Variants in PPP1R9B observed in about 807,000 individuals in gnomAD.
PPP1R9B encodes the protein neurabin-2.
A neutral mutation model predicts 75.8 loss-of-function variants in PPP1R9B; 17 were observed. The ratio of observed to expected loss-of-function variants is 0.22; its 90% CI spans 0.15 to 0.34. The LOEUF (loss-of-function observed/expected upper bound fraction) is 0.34. Ranked by LOEUF, PPP1R9B falls within the 10% of genes least tolerant of loss-of-function variation. The probability of loss-of-function intolerance (pLI) is 1.00; values close to 1 mark genes in which losing one functional copy is unlikely to be tolerated. For missense variants in PPP1R9B, 875 were observed against 1,196.0 expected, an observed-to-expected ratio of 0.73 and a Z score of 3.96; for synonymous variants, 509 against 535.4, an observed-to-expected ratio of 0.95 and a Z score of 0.68.
chr17:50,135,546 G>A lies in PPP1R9B; in HGVS notation c.2400+7C>T, dbSNP rs1202879624. On this transcript the variant is annotated splice_region_variant and intron_variant, in intron 9 of 9. Transcript: ENST00000612501. ...TGGGCCCTGCCCACAGGGCGCCCCA[G>A]GCCCACCTTGTCCAGGAGCTTGTCC... 1 of 1,609,860 alleles carries A rather than the reference G, an allele frequency of 6.2e-7. No individual in the cohort carries two copies. The highest frequency in any genetic ancestry group is 1.7e-5 in the Admixed American group (1 of 59,170).
Position 50,149,529 on chromosome 17 carries a change from G to A in PPP1R9B, c.985C>T (p.Leu329=), listed in dbSNP as rs370218434. The A allele has an allele frequency of 4.4e-6, 7 of 1,592,508 alleles. No individual in the cohort carries two copies. Among genetic ancestry groups the A allele is most frequent in the Non-Finnish European group, 6.0e-6 (7 of 1,171,396 alleles). ...IQAEVTVHAA[L]ENGSTVATAA... The stretch of plus-strand genomic sequence containing the variant: ...GTTGCCACGGTGCTGCCATTCTCCA[G>A]GGCCGCGTGGACCGTAACCTCGGCC... Residue 329 remains leucine, a synonymous_variant, in exon 1 of 10, where the codon CTG becomes TTG. Transcript: ENST00000612501. The surrounding 1 kb of genome is among the most constrained non-coding windows in gnomAD (Gnocchi z 7.2).
Position 50,135,230 on chromosome 17 carries a change from C to T in PPP1R9B, c.*101G>A, listed in dbSNP as rs1431000946. On this transcript the variant is annotated 3_prime_UTR_variant, in exon 10 of 10. Transcript: ENST00000612501. The stretch of plus-strand genomic sequence containing the variant: ...GGAGGGGTGGGGGGAGTCGGGGCAC[C>T]TGTCCCCAGGCTGGAAGGGGGAGGG... 1 of 955,120 alleles carries T rather than the reference C, an allele frequency of 1.0e-6. No individual in the cohort carries two copies. Among genetic ancestry groups the T allele is most frequent in the Admixed American group, 1.9e-5 (1 of 52,064 alleles). 59.2% of individuals were successfully genotyped at this position (955,120 alleles called of 1,614,324 possible).
At chr17:50,144,183 T>G (rs766623086) in intron 2 of PPP1R9B, among the ~76,000 whole-genome samples, 2 of 152,134 alleles carry the variant, frequency 1.3e-5, no homozygotes, top group Non-Finnish European at 2.9e-5. Flanking sequence ...GCCTGACTCA[T>G]GGCCCTCTGA....
chr17:50,149,075 G>C lies in PPP1R9B; in HGVS notation c.1371+68C>G, dbSNP rs1912599002. The C allele has an allele frequency of 2.7e-6, 3 of 1,095,582 alleles. No individual in the cohort carries two copies. The highest frequency in any genetic ancestry group is 3.7e-5 in the South Asian group (2 of 54,552). 67.9% of individuals were successfully genotyped at this position (1,095,582 alleles called of 1,614,324 possible). On this transcript the variant is annotated intron_variant, in intron 1 of 9. Coordinates refer to ENST00000612501, the MANE Select transcript of PPP1R9B (RefSeq NM_032595.5). This position sits in a 1 kb window ranked among gnomAD's most constrained non-coding sequence, Gnocchi z 7.2. ...GCCTGCCAAACCCGGCTGGCTGGCT[G>C]GCGAGCGGGGGCGGCCGCGTGCACG...
At position 50,135,579 on chromosome 17, in the gene PPP1R9B, C is replaced by T. The variant is rs1912205989; in HGVS notation, c.2374G>A (p.Glu792Lys). The T allele has an allele frequency of 4.3e-6, 7 of 1,611,144 alleles. No individual in the cohort carries two copies. The highest frequency in any genetic ancestry group is 5.9e-6 in the Non-Finnish European group (7 of 1,178,616). ...VLEESELARK[E>K]EMDKLLDKIS... is the part of the protein sequence containing the mutation. ...TTGTCCAGGAGCTTGTCCATCTCCT[C>T]CTTTCTGGCCAGCTCCGACTCCTCC... The change falls in exon 9 of 10, where the codon GAG becomes AAG. Residue 792 changes from glutamate to lysine, a missense_variant. Physicochemically the swap from Glu to Lys is moderately conservative, Grantham distance 56. Coordinates refer to ENST00000612501, the MANE Select transcript of PPP1R9B (RefSeq NM_032595.5).
Position 50,149,345 on chromosome 17 carries a change from G to A in PPP1R9B, c.1169C>T (p.Ala390Val). 1 of 1,613,370 alleles carries A rather than the reference G, an allele frequency of 6.2e-7. No individual in the cohort carries two copies. The highest frequency in any genetic ancestry group is 8.5e-7 in the Non-Finnish European group (1 of 1,179,764). The change falls in exon 1 of 10, where the codon GCG (alanine) becomes GTG (valine). Residue 390 changes from alanine (A) to valine (V), a missense_variant. Transcript: ENST00000612501. This position sits in a 1 kb window ranked among gnomAD's most constrained non-coding sequence, Gnocchi z 7.2. ...GTAGGCGCTCACGTCCACCAAGTCC[G>A]CCTCCGAGAAGTCCTCCTTCTTGGA... ...DESKKEDFSE[A>V]DLVDVSAYSG...
At chr17:50,136,578 G>A (rs546943439) in intron 7 of PPP1R9B, among the ~76,000 whole-genome samples, 7 of 152,292 alleles carry the variant, frequency 4.6e-5, no homozygotes, top group South Asian at 2.1e-4. Flanking sequence ...TACATGTGAA[G>A]TAAAAGGGCA....
intron 2 of PPP1R9B, among the ~76,000 whole-genome samples, chr17:50,144,210 C>T (rs533861465): frequency 7.2e-5 from 11 of 152,274 alleles, no homozygotes; most frequent in African/African-American, 2.2e-4. Flanking sequence ...AACTAATGAC[C>T]TTCCCCCACA....
chr17:50,149,678 G>C lies in PPP1R9B; in HGVS notation c.836C>G (p.Pro279Arg). The change falls in exon 1 of 10, where the codon CCG becomes CGG. Residue 279 changes from proline (P) to arginine (R), a missense_variant. By Grantham distance (103) the Pro-to-Arg change is moderately radical. This residue lies in a region of PPP1R9B where 449 missense variants were observed against 475.0 expected (regional missense o/e 0.95). Coordinates refer to ENST00000612501, the MANE Select transcript of PPP1R9B (RefSeq NM_032595.5). The surrounding 1 kb of genome is among the most constrained non-coding windows in gnomAD (Gnocchi z 7.2). ...KERCPAGQQPPQHRVAPARPP... is the reference protein window; with the variant it reads ...KERCPAGQQPRQHRVAPARPP... Reference sequence around the variant, plus strand: ...CCGGGCAGGGGCCACTCGGTGCTGCGGGGGCTGCTGCCCTGCGGGGCATCG... The same window carrying C: ...CCGGGCAGGGGCCACTCGGTGCTGCCGGGGCTGCTGCCCTGCGGGGCATCG... 2 of 1,474,550 alleles carry C rather than the reference G, an allele frequency of 1.4e-6. No homozygotes were observed. The highest frequency in any genetic ancestry group is 1.8e-6 in the Non-Finnish European group (2 of 1,117,628). The allele number at this position is 1,474,550 out of a possible 1,614,324, so 91.3% of individuals were successfully genotyped here. A position where few individuals can be genotyped will look rare whatever the true frequency, so the allele number is the denominator to read the frequency against.
Position 50,135,341 on chromosome 17 carries a change from T to C in PPP1R9B, c.2444A>G (p.Asn815Ser), listed in dbSNP as rs376937049. The change falls in exon 10 of 10, where the codon AAT becomes AGT. Residue 815 changes from asparagine to serine, a missense_variant. By Grantham distance (46) the Asn-to-Ser change is conservative. Coordinates refer to ENST00000612501, the MANE Select transcript of PPP1R9B (RefSeq NM_032595.5). ...EGNLQTLRNSNST is the reference protein window; with the variant it reads ...EGNLQTLRNSSST Reference sequence around the variant, plus strand: ...ATGGAATGATTCCTGTTAAGTAGAATTGGAATTCCTCAGTGTTTGCAAGTT... The same window carrying C: ...ATGGAATGATTCCTGTTAAGTAGAACTGGAATTCCTCAGTGTTTGCAAGTT... 33 of 1,612,946 alleles carry C rather than the reference T, an allele frequency of 2.0e-5. No homozygotes were observed. The African/African-American group carries it at 2.9e-4, about 14-fold the overall frequency.
At position 50,145,000 on chromosome 17, in the gene PPP1R9B, G is replaced by C. The variant is rs577662635; in HGVS notation, c.1504+113C>G. 3 of 1,321,354 alleles carry C rather than the reference G, an allele frequency of 2.3e-6. No homozygotes were observed. The African/African-American group carries it at 4.4e-5, about 19-fold the overall frequency. 81.9% of individuals were successfully genotyped at this position (1,321,354 alleles called of 1,614,324 possible). Reference sequence around the variant, plus strand: ...ACCAAGGGCCTGAGTCAGAGGGAGAGGCCCAGCAAGTCTGTGGGAGCCCCT... The same window carrying C: ...ACCAAGGGCCTGAGTCAGAGGGAGACGCCCAGCAAGTCTGTGGGAGCCCCT... On this transcript the variant is annotated intron_variant, in intron 2 of 9. Coordinates refer to ENST00000612501, the MANE Select transcript of PPP1R9B (RefSeq NM_032595.5).
chr17:50,149,755 G>A lies in PPP1R9B; in HGVS notation c.759C>T (p.Pro253=). The change falls in exon 1 of 10, where the codon CCC becomes CCT. Residue 253 remains proline, a synonymous_variant. Transcript: ENST00000612501. This position sits in a 1 kb window ranked among gnomAD's most constrained non-coding sequence, Gnocchi z 7.2. ...LVSKRSRVFQ[P]PPPPPPAPSG... ...ACGGGGCGGGCGGCGGCGGCGGCGG[G>A]GGCTGGAACACCCGGGACCGCTTGC... 1 of 1,407,682 alleles carries A rather than the reference G, an allele frequency of 7.1e-7. No individual in the cohort carries two copies. Among genetic ancestry groups the A allele is most frequent in the Non-Finnish European group, 9.2e-7 (1 of 1,090,760 alleles). The allele number at this position is 1,407,682 out of a possible 1,614,324, so 87.2% of individuals were successfully genotyped here.
At position 50,149,293 on chromosome 17, in the gene PPP1R9B, G is replaced by T. The variant is rs772388675; in HGVS notation, c.1221C>A (p.Gly407=). 6.2e-7 allele frequency: 1 copy of T among 1,613,154 alleles called. No homozygotes were observed. Among genetic ancestry groups the T allele is most frequent in the Non-Finnish European group, 8.5e-7 (1 of 1,179,692 alleles). Residue 407 remains glycine, a synonymous_variant, in exon 1 of 10, where the codon GGC becomes GGA. Coordinates refer to ENST00000612501, the MANE Select transcript of PPP1R9B (RefSeq NM_032595.5). The surrounding 1 kb of genome is among the most constrained non-coding windows in gnomAD (Gnocchi z 7.2). ...CTTCGTCGTCCTCCTCCAGGGCACT[G>T]CCCGCAGAGTCCTCCCCGAGCCCAC... The part of the protein sequence containing the change: ...AYSGLGEDSA[G]SALEEDDEDD...
chr17:50,138,911 C>T (rs146166355), intron 7 of PPP1R9B, among the ~76,000 whole-genome samples: 38 of 152,356 alleles, frequency 2.5e-4, no homozygotes, highest in Admixed American at 1.8e-3. Flanking sequence ...TGAGCCACTG[C>T]GCTCAGCCTA....
In PPP1R9B at chr17:50,149,244, G is replaced by C. The variant is rs553553002; in HGVS notation, c.1270C>G (p.Pro424Ala). 1.2e-6 allele frequency: 2 copies of C among 1,611,098 alleles called. No individual in the cohort carries two copies. The highest frequency in any genetic ancestry group is 1.7e-6 in the Non-Finnish European group (2 of 1,179,014). ...DEDDEEDGEP[P>A]YEPESGCVEI... ...ACGCACCCCGACTCGGGCTCGTAGG[G>C]GGGCTCCCCATCCTCCTCGTCGTCT... The change falls in exon 1 of 10, where the codon CCC becomes GCC. Residue 424 changes from proline to alanine, a missense_variant. Physicochemically the swap from Pro to Ala is conservative, Grantham distance 27. Around this residue, in one of 4 missense-constraint regions of PPP1R9B, gnomAD observed 449 missense variants for 475.0 expected, o/e 0.95. Transcript: ENST00000612501. This position sits in a 1 kb window ranked among gnomAD's most constrained non-coding sequence, Gnocchi z 7.2.
intron 1 of PPP1R9B, among the ~76,000 whole-genome samples, chr17:50,148,258 G>A (rs1912570477): frequency 6.6e-6 from 1 of 152,250 alleles, no homozygotes; most frequent in South Asian, 2.1e-4. Flanking sequence ...ACCCCCAAAA[G>A]GGGCAGCTCC....
intron 3 of PPP1R9B, 82 bp downstream of exon 3, chr17:50,143,516 C>A (rs1034088858): frequency 1.4e-5 from 21 of 1,544,666 alleles, no homozygotes; most frequent in Non-Finnish European, 1.8e-5. Context: ...CCCGCCCCAC[C>A]CCCTGCTCAG....
At position 50,138,155 on chromosome 17, in the gene PPP1R9B, T is replaced by C. The variant is rs903291703; in HGVS notation, c.2073+1108A>G. 3.2e-3 allele frequency among the ~76,000 whole-genome samples: 47 copies of C among 14,650 alleles called. 1 individual carries two copies. Among genetic ancestry groups the C allele is most frequent in the Non-Finnish European group, 2.5e-4 (2 of 8,146 alleles). 9.6% of individuals were successfully genotyped at this position (14,650 alleles called of 152,430 possible). On this transcript the variant is annotated intron_variant, in intron 7 of 9. Transcript: ENST00000612501. ...TGTGTAAGCATCTGTGTATACTACG[T>C]GTGTGTGTGTGTGTGTGTGTGTGTG...
Position 50,150,583 on chromosome 17 carries a change from G to C in PPP1R9B, c.-70C>G, listed in dbSNP as rs573405450. On this transcript the variant is annotated 5_prime_UTR_variant, in exon 1 of 10. Transcript: ENST00000612501. This position sits in a 1 kb window ranked among gnomAD's most constrained non-coding sequence, Gnocchi z 8.7. ...GCTTCAACAGGCGGCTGGCCAAGTC[G>C]GGACCACCGCCCCCTCCCCCCGATA... 1.9e-4 allele frequency: 234 copies of C among 1,247,896 alleles called. No homozygotes were observed. The African/African-American group carries it at 3.5e-3, about 18-fold the overall frequency. 77.3% of individuals were successfully genotyped at this position (1,247,896 alleles called of 1,614,324 possible). A position where few individuals can be genotyped will look rare whatever the true frequency, so the allele number is the denominator to read the frequency against.
Sources: allele counts gnomAD v4.1 joint callset (sites outside exome capture counted in the v4.1 genomes callset), GRCh38; gene constraint gnomAD v4.1.1; regional missense constraint gnomAD v4.1.1; non-coding constraint Gnocchi (gnomAD v3.1); transcripts MANE v1.5; gene names NCBI Gene and HGNC (gene_info 2026-07-23, HGNC 2026-07-21).